Variants in WDR76 observed in about 807,000 individuals in gnomAD.
The protein encoded by WDR76 is WD repeat-containing protein 76.
In WDR76, 52 loss-of-function variants were observed where a neutral mutation model predicts 70.2. The observed-to-expected ratio is 0.74, with a 90% CI of 0.59 to 0.93. The LOEUF is 0.93. Ranked by LOEUF, WDR76 falls within the 40% of genes least tolerant of loss-of-function variation. WDR76 has a pLI of 0.00. For synonymous variants in WDR76, 292 were observed against 271.1 expected (o/e 1.08, Z -0.76); for missense variants, 756 against 760.2 (o/e 0.99, Z 0.07).
At chr15:43,830,193 G>A (rs2087569438) in intron 2 of WDR76, among the ~76,000 whole-genome samples, 1 of 151,894 alleles carries the variant, frequency 6.6e-6, no homozygotes, top group Non-Finnish European at 1.5e-5. Context: ...CAGTTTCCTA[G>A]AGACGCTGAT....
chr15:43,831,297 A>C (rs1162426815), intron 2 of WDR76, among the ~76,000 whole-genome samples: 2 of 151,890 alleles, frequency 1.3e-5, no homozygotes, highest in Non-Finnish European at 2.9e-5. Context: ...TTGCCAGGCT[A>C]ATTTTGACTT....
intron 8 of WDR76, among the ~76,000 whole-genome samples, chr15:43,845,096 G>C (rs1274795103): frequency 6.8e-6 from 1 of 146,480 alleles, no homozygotes; most frequent in Non-Finnish European, 1.5e-5. Context: ...CGAGTAGCTG[G>C]GACTACAGGC....
At chr15:43,861,523 T>C (rs2087997676) in intron 12 of WDR76, 137 bp downstream of exon 12, 1 of 862,608 alleles carries the variant, frequency 1.2e-6, no homozygotes, top group Non-Finnish European at 1.8e-6. Context: ...GTGTCCCAGT[T>C]TGCTAGTTCC....
At chr15:43,837,918 C>CAGTCTGG (rs2087677482) in intron 4 of WDR76, among the ~76,000 whole-genome samples, 1 of 148,984 alleles carries the variant, frequency 6.7e-6, no homozygotes, top group Non-Finnish European at 1.5e-5. Context: ...CTCTGTTGCC[C>CAGTCTGG]AGTCTGGAGT....
rs935561076 is a variant in WDR76, at chr15:43,858,996, C to T, written c.1562+173C>T. Among the ~76,000 whole-genome samples the T allele has an allele frequency of 2.6e-5, 4 of 152,226 alleles. No individual in the cohort carries two copies. The Middle Eastern group carries it at 0.01, about 388-fold the overall frequency. ...TGACCTGTATTTAATGGCTTTTCAG[C>T]GGTTTTTGGGTCCTGGAAATTTCCT... On this transcript the variant is annotated intron_variant, in intron 11 of 12. Transcript: ENST00000263795.
In WDR76 at chr15:43,828,058, G is replaced by T. The variant is rs200562387; in HGVS notation, c.154G>T (p.Ala52Ser). ...AATAAAAACAGCTAAGGTCTATCTT[G>T]CCCCCTTTTCACTCAGTAATTACCA... ...VLIKTAKVYL[A>S]PFSLSNYQLD... The change falls in exon 2 of 13, where the codon GCC becomes TCC. Residue 52 changes from alanine (A) to serine (S), a missense_variant. Coordinates refer to ENST00000263795, the MANE Select transcript of WDR76 (RefSeq NM_024908.4). 4.6e-5 allele frequency: 75 copies of T among 1,613,994 alleles called. No homozygotes were observed. The highest frequency in any genetic ancestry group is 6.7e-5 in the Admixed American group (4 of 59,988).
chr15:43,859,661 A>G (rs2087972345), intron 11 of WDR76, among the ~76,000 whole-genome samples: 1 of 152,172 alleles, frequency 6.6e-6, no homozygotes, highest in Non-Finnish European at 1.5e-5. Context: ...TGTTGTAGGA[A>G]GAGAGTCACC....
Position 43,866,592 on chromosome 15 carries a change from A to G in WDR76, c.*200A>G. On this transcript the variant is annotated 3_prime_UTR_variant, in exon 13 of 13. Transcript: ENST00000263795. Reference sequence around the variant, plus strand: ...GTTGCTTCTGCAGGACGGGGAGGGAATTTGAGGGGAGGCTGAGGTGCCGTC... The same window carrying G: ...GTTGCTTCTGCAGGACGGGGAGGGAGTTTGAGGGGAGGCTGAGGTGCCGTC... The G allele has an allele frequency of 2.0e-6, 1 of 503,554 alleles. No individual in the cohort carries two copies. Among genetic ancestry groups the G allele is most frequent in the South Asian group, 3.8e-5 (1 of 26,310 alleles). The allele number at this position is 503,554 out of a possible 1,614,324, so 31.2% of individuals were successfully genotyped here.
chr15:43,837,250 A>G (rs1417050126), intron 4 of WDR76, among the ~76,000 whole-genome samples: 1 of 152,164 alleles, frequency 6.6e-6, no homozygotes, highest in African/African-American at 2.4e-5. Context: ...ATGTAGCTTC[A>G]TTTACTTGGT....
At position 43,828,667 on chromosome 15, in the gene WDR76, C is replaced by T. The variant is rs185916253; in HGVS notation, c.462+301C>T. ...TGGGTTTAGTCATACTTTATGGTGC[C>T]TTTCTCACCTTTACATGTTTATGTA... On this transcript the variant is annotated intron_variant, in intron 2 of 12. Coordinates refer to ENST00000263795, the MANE Select transcript of WDR76 (RefSeq NM_024908.4). Among the ~76,000 whole-genome samples the T allele has an allele frequency of 9.8e-3, 1,486 of 152,164 alleles. 18 individuals carry two copies. The highest frequency in any genetic ancestry group is 0.033 in the African/African-American group (1,389 of 41,512).
chr15:43,830,013 CTT>C (rs113243917), intron 2 of WDR76, among the ~76,000 whole-genome samples: 16 of 139,632 alleles, frequency 1.1e-4, no homozygotes, highest in Non-Finnish European at 7.8e-5. Flanking sequence ...TCTTTCTTTT[CTT>C]TTTTTTTTTT....
chr15:43,867,931 T>C lies in WDR76; in HGVS notation c.*1539T>C, dbSNP rs1001838420. On this transcript the variant is annotated 3_prime_UTR_variant, in exon 13 of 13. Transcript: ENST00000263795. ...AGACTTGTAAATGGCTTTGGCAATA[T>C]GTTTGAATTCTAAGAGGAAATATTT... 1.4e-4 allele frequency: 21 copies of C among 152,332 alleles called. No individual in the cohort carries two copies. The highest frequency in any genetic ancestry group is 1.1e-3 in the Admixed American group (17 of 15,310). The allele number at this position is 152,332 out of a possible 1,614,324, so 9.4% of individuals were successfully genotyped here.
At chr15:43,829,372 G>A (rs2930531) in intron 2 of WDR76, among the ~76,000 whole-genome samples, 123,155 of 152,060 alleles carry the variant, frequency 0.81, 50,225 homozygotes, top group East Asian at 1. Context: ...TTGAAGGCTT[G>A]TTGTTATGAA....
rs1279053575 is a variant in WDR76 at position 43,858,840 on chromosome 15, G to C, written c.1562+17G>C. The C allele has an allele frequency of 6.2e-7, 1 of 1,610,712 alleles. No homozygotes were observed. The highest frequency in any genetic ancestry group is 8.5e-7 in the Non-Finnish European group (1 of 1,178,998). On this transcript the variant is annotated intron_variant, in intron 11 of 12. Coordinates refer to ENST00000263795, the MANE Select transcript of WDR76 (RefSeq NM_024908.4). Reference sequence around the variant, plus strand: ...TAATCTGAGGTAAATTGGGAAGGCAGAAATGTTTTTAGGGAATCTAAAGAG... The same window carrying C: ...TAATCTGAGGTAAATTGGGAAGGCACAAATGTTTTTAGGGAATCTAAAGAG...
intron 9 of WDR76, among the ~76,000 whole-genome samples, chr15:43,854,442 G>A (rs1258104222): frequency 1.3e-5 from 2 of 151,596 alleles, no homozygotes; most frequent in East Asian, 2.0e-4. Flanking sequence ...GGTAGCATGC[G>A]CCTGTGGTCC....
At chr15:43,837,485 T>TAA (rs1438403751) in intron 4 of WDR76, among the ~76,000 whole-genome samples, 1 of 152,162 alleles carries the variant, frequency 6.6e-6, no homozygotes, top group Non-Finnish European at 1.5e-5. Context: ...TTAATAGTTG[T>TAA]ATAGGCAGTA....
intron 9 of WDR76, among the ~76,000 whole-genome samples, chr15:43,853,766 C>T (rs565256013): frequency 1.3e-4 from 19 of 151,842 alleles, no homozygotes; most frequent in East Asian, 3.9e-4. Context: ...ATTAGCCAGG[C>T]GCGGTGGCAG....
intron 12 of WDR76, among the ~76,000 whole-genome samples, chr15:43,863,631 C>T (rs1294639302): frequency 6.6e-6 from 1 of 151,862 alleles, no homozygotes; most frequent in East Asian, 1.9e-4. Flanking sequence ...ATGATCATGG[C>T]TCACTTCAGC....
chr15:43,842,773 T>C (rs2087741793), intron 7 of WDR76, 102 bp downstream of exon 7: 1 of 1,091,084 alleles, frequency 9.2e-7, no homozygotes, highest in Middle Eastern at 3.0e-4. Context: ...ATGAAATGTT[T>C]CCACCCTAAC....
Sources: allele counts gnomAD v4.1 joint callset (sites outside exome capture counted in the v4.1 genomes callset), GRCh38; gene constraint gnomAD v4.1.1; transcripts MANE v1.5; gene names NCBI Gene and HGNC (gene_info 2026-07-23, HGNC 2026-07-21).